Variants in ELMO1 observed in about 807,000 individuals in gnomAD.
The protein encoded by ELMO1 is engulfment and cell motility 1.
ELMO1 carries 26 observed loss-of-function variants against 98.9 expected under a neutral mutation model. The ratio of observed to expected loss-of-function variants is 0.26; its 90% confidence interval spans 0.19 to 0.36. ELMO1 has a LOEUF of 0.36. Ranked by LOEUF, ELMO1 falls within the 10% of genes least tolerant of loss-of-function variation. The pLI is 1.00. For missense variants in ELMO1, 627 were observed against 935.2 expected, an observed-to-expected ratio of 0.67 and a Z score of 4.30; for synonymous variants, 346 against 346.0, an observed-to-expected ratio of 1.00 and a Z score of 0.00.
chr7:37,346,406 ATTTG>A (rs200619135), intron 1 of ELMO1, among the ~76,000 whole-genome samples: 2,356 of 152,338 alleles, frequency 0.015, 28 homozygotes, highest in Middle Eastern at 0.027. Flanking sequence ...AGCAATGCCA[ATTTG>A]TTTATAATTC....
intron 16 of ELMO1, among the ~76,000 whole-genome samples, chr7:37,011,841 G>A (rs575466164): frequency 6.6e-6 from 1 of 152,184 alleles, no homozygotes; most frequent in Non-Finnish European, 1.5e-5. Context: ...AGGCCTCCCT[G>A]CTCCTCCTTC....
At chr7:36,892,315 G>C (rs1805626398) in intron 17 of ELMO1, among the ~76,000 whole-genome samples, 1 of 152,166 alleles carries the variant, frequency 6.6e-6, no homozygotes, top group African/African-American at 2.4e-5. Flanking sequence ...GCTTGAACTG[G>C]ATGGCCTTAA....
chr7:36,918,121 G>T (rs1043163188), intron 16 of ELMO1, among the ~76,000 whole-genome samples: 2 of 152,094 alleles, frequency 1.3e-5, no homozygotes, highest in African/African-American at 4.8e-5. Flanking sequence ...TAGGGAATGG[G>T]GGGTGAAGAG....
chr7:37,317,654 G>A (rs1383413519), intron 2 of ELMO1, among the ~76,000 whole-genome samples: 1 of 152,138 alleles, frequency 6.6e-6, no homozygotes, highest in African/African-American at 2.4e-5. Flanking sequence ...GAGAGTAGAA[G>A]AATGGTTACC....
chr7:37,086,299 C>T (rs1783766477), intron 15 of ELMO1, among the ~76,000 whole-genome samples: 2 of 149,794 alleles, frequency 1.3e-5, no homozygotes, highest in South Asian at 4.2e-4. Context: ...ATTTTTTTGG[C>T]TAAAAGAAAC....
intron 10 of ELMO1, among the ~76,000 whole-genome samples, chr7:37,220,266 A>C (rs1163494442): frequency 6.6e-6 from 1 of 152,222 alleles, no homozygotes; most frequent in East Asian, 1.9e-4. Context: ...CTTAATTTCA[A>C]GAGTTTATAG....
chr7:37,274,435 T>C (rs1419145310), intron 4 of ELMO1, among the ~76,000 whole-genome samples: 2 of 152,212 alleles, frequency 1.3e-5, no homozygotes, highest in African/African-American at 2.4e-5. Context: ...CACCTGTTCA[T>C]GTAAGACTTA....
chr7:37,038,039 C>T (rs1795290811), intron 15 of ELMO1, among the ~76,000 whole-genome samples: 1 of 152,110 alleles, frequency 6.6e-6, no homozygotes. Context: ...CCATCATCCC[C>T]TATATCTTAA....
chr7:37,169,310 C>T (rs1327986076), intron 13 of ELMO1, among the ~76,000 whole-genome samples: 1 of 152,218 alleles, frequency 6.6e-6, no homozygotes, highest in Admixed American at 6.5e-5. Flanking sequence ...GGCAATGCCT[C>T]GCCCTGCTTC....
chr7:36,910,654 C>T (rs1283091540), intron 16 of ELMO1, among the ~76,000 whole-genome samples: 4 of 152,128 alleles, frequency 2.6e-5, no homozygotes, highest in African/African-American at 9.7e-5. Flanking sequence ...GTCTCAGATT[C>T]CCAATAAATG....
At chr7:37,051,481 T>C (rs1014487244) in intron 15 of ELMO1, among the ~76,000 whole-genome samples, 3 of 152,216 alleles carry the variant, frequency 2.0e-5, no homozygotes, top group African/African-American at 4.8e-5. Context: ...TTCTGTGAAA[T>C]ATTAATCACA....
intron 1 of ELMO1, among the ~76,000 whole-genome samples, chr7:37,357,660 C>A (rs1451880112): frequency 6.6e-6 from 1 of 152,184 alleles, no homozygotes; most frequent in African/African-American, 2.4e-5. Context: ...TTTTCCTTCT[C>A]ATCTCTTTCA....
chr7:37,199,090 C>T (rs945964402), intron 13 of ELMO1, among the ~76,000 whole-genome samples: 3 of 152,192 alleles, frequency 2.0e-5, no homozygotes, highest in South Asian at 2.1e-4. Flanking sequence ...CCACAAATGT[C>T]CCTCCTAAGG....
At chr7:37,437,195 G>C (rs1347897192) in intron 1 of ELMO1, among the ~76,000 whole-genome samples, 1 of 152,082 alleles carries the variant, frequency 6.6e-6, no homozygotes, top group African/African-American at 2.4e-5. Context: ...TTTCTCCCAG[G>C]GCCCCTGTGC....
intron 15 of ELMO1, among the ~76,000 whole-genome samples, chr7:37,030,904 C>T (rs1794844757): frequency 6.6e-6 from 1 of 152,140 alleles, no homozygotes; most frequent in Non-Finnish European, 1.5e-5. Flanking sequence ...CCTTATTGGA[C>T]ACGCCCATCT....
rs2130557089 is a variant in ELMO1, at chr7:37,224,814, C to A, written c.701+65G>T. The A allele has an allele frequency of 1.9e-6, 3 of 1,575,290 alleles. No individual in the cohort carries two copies. The East Asian group carries it at 6.8e-5, about 36-fold the overall frequency. On this transcript the variant is annotated intron_variant, in intron 9 of 21. Coordinates refer to ENST00000310758, the MANE Select transcript of ELMO1 (RefSeq NM_014800.11). The stretch of plus-strand genomic sequence containing the variant: ...AACTATAACAACATAAAACGTTTCC[C>A]AGTGCATTACCGTGGCCATCTTCCT...
At chr7:37,355,716 C>T (rs758046670) in intron 1 of ELMO1, among the ~76,000 whole-genome samples, 12 of 152,184 alleles carry the variant, frequency 7.9e-5, no homozygotes, top group Admixed American at 2.0e-4. Flanking sequence ...CCCTCCTGAC[C>T]ACAGGTCTAG....
intron 14 of ELMO1, among the ~76,000 whole-genome samples, chr7:37,126,266 T>C (rs1786507488): frequency 6.7e-6 from 1 of 148,730 alleles, no homozygotes; most frequent in Non-Finnish European, 1.5e-5. Context: ...CTGCATGTTG[T>C]GCACATGTAC....
At chr7:36,992,726 AT>A (rs1207401037) in intron 16 of ELMO1, among the ~76,000 whole-genome samples, 1 of 152,152 alleles carries the variant, frequency 6.6e-6, no homozygotes, top group African/African-American at 2.4e-5. Flanking sequence ...AAACACACCC[AT>A]TTCACATGCA....
Sources: gnomAD v4.1 joint callset for allele counts (sites outside exome capture counted in the v4.1 genomes callset) on GRCh38, gnomAD v4.1.1 for gene constraint, MANE v1.5 for transcripts, NCBI Gene and HGNC (gene_info 2026-07-23, HGNC 2026-07-21) for gene names.